The following SPEN variants were observed in gnomAD, a reference collection of about 807,000 sequenced individuals.
SPEN encodes the protein msx2-interacting protein.
SPEN carries 18 observed loss-of-function variants against 269.9 expected under a neutral mutation model. That is an observed-to-expected ratio of 0.07 (90% CI 0.05 to 0.10). The LOEUF (loss-of-function observed/expected upper bound fraction) is 0.10. Among genes scored for constraint, SPEN ranks in the 10% least tolerant of loss-of-function variants. The probability of loss-of-function intolerance (pLI) is 1.00; values close to 1 mark genes in which losing one functional copy is unlikely to be tolerated. For missense variants in SPEN, 3,822 were observed against 4,631.2 expected (o/e 0.83, Z 5.07); for synonymous variants, 1,726 against 1,765.7 (o/e 0.98, Z 0.56).
chr1:15,915,898 T>C (rs1012025823), intron 5 of SPEN, among the ~76,000 whole-genome samples: 2 of 149,678 alleles, frequency 1.3e-5, no homozygotes, highest in Non-Finnish European at 3.0e-5. Flanking sequence ...AGTGTTACTT[T>C]AGCCTTAATT....
intron 10 of SPEN, among the ~76,000 whole-genome samples, chr1:15,924,295 A>T (rs1011892692): frequency 2.0e-5 from 3 of 152,194 alleles, no homozygotes; most frequent in Admixed American, 1.3e-4. Context: ...AGGAATTCTT[A>T]TCTATATGTG....
chr1:15,934,439 T>TGCCACAGCAAGTGCAGTGACC lies in SPEN; in HGVS notation c.8201_8221dup (p.Ala2734_Thr2740dup), dbSNP rs1557761995. ...TCAATGCCGCTGCGAGTGCAGTGAATGCCACAGCAAGTGCAGTGACCGTCA... is the reference window on the plus strand; with the variant it reads ...TCAATGCCGCTGCGAGTGCAGTGAATGCCACAGCAAGTGCAGTGACCGCCACAGCAAGTGCAGTGACCGTCA... On this transcript the variant is annotated inframe_insertion, in exon 11 of 15. Transcript: ENST00000375759. This position sits in a 1 kb window ranked among gnomAD's most constrained non-coding sequence, Gnocchi z 9.2. 6.2e-7 allele frequency: 1 copy of TGCCACAGCAAGTGCAGTGACC among 1,613,954 alleles called. No homozygotes were observed.
Position 15,937,474 on chromosome 1 carries a change from T to C in SPEN, c.10338T>C (p.Ser3446=). ...SVSMKPDLPV[S]LPTQTAPKQP... is the part of the protein sequence containing the mutation. Reference sequence around the variant, plus strand: ...CCATGAAGCCTGACCTTCCAGTCTCTCTTCCCACTCAGACTGCCCCAAAAC... The same window carrying C: ...CCATGAAGCCTGACCTTCCAGTCTCCCTTCCCACTCAGACTGCCCCAAAAC... The change falls in exon 12 of 15, where the codon TCT becomes TCC. Residue 3446 remains serine (S), a synonymous_variant. Transcript: ENST00000375759. This position sits in a 1 kb window ranked among gnomAD's most constrained non-coding sequence, Gnocchi z 5.7. 6.2e-7 allele frequency: 1 copy of C among 1,613,902 alleles called. No individual in the cohort carries two copies. The highest frequency in any genetic ancestry group is 8.5e-7 in the Non-Finnish European group (1 of 1,180,010).
intron 1 of SPEN, among the ~76,000 whole-genome samples, chr1:15,858,934 A>G (rs567303659): frequency 6.6e-6 from 1 of 152,140 alleles, no homozygotes; most frequent in East Asian, 1.9e-4. Flanking sequence ...ATAGAGAAAA[A>G]CCCTGTCTCA....
intron 1 of SPEN, 90 bp from the exon 2 acceptor site, chr1:15,872,726 T>C: frequency 1.9e-6 from 2 of 1,052,262 alleles, no homozygotes; most frequent in Non-Finnish European, 1.3e-6. Context: ...CCCTCCTACA[T>C]ACATAACGCA....
chr1:15,936,359 G>A, intron 11 of SPEN, 93 bp downstream of exon 11: 3 of 1,427,432 alleles, frequency 2.1e-6, no homozygotes, highest in Non-Finnish European at 2.8e-6. Context: ...AGAAATCAGG[G>A]GCCAGGTGTG....
chr1:15,938,565 CTTTTTTTTTTT>C (rs200567875), intron 13 of SPEN, 142 bp from the exon 14 acceptor site: 3 of 239,106 alleles, frequency 1.3e-5, no homozygotes, highest in East Asian at 1.7e-4. Flanking sequence ...TGAAAAAAAG[CTTTTTTTTTTT>C]TTTTTTTTCA....
Position 15,935,246 on chromosome 1 carries a change from C to T in SPEN, c.9006C>T (p.Pro3002=). The T allele has an allele frequency of 6.2e-7, 1 of 1,614,170 alleles. No individual in the cohort carries two copies. Among genetic ancestry groups the T allele is most frequent in the Non-Finnish European group, 8.5e-7 (1 of 1,180,038 alleles). The change falls in exon 11 of 15, where the codon CCC becomes CCT. Residue 3002 remains proline, a synonymous_variant. Transcript: ENST00000375759. This position sits in a 1 kb window ranked among gnomAD's most constrained non-coding sequence, Gnocchi z 7.7. ...SKLPTEVNHV[P]SGPSIPADRT... Reference sequence around the variant, plus strand: ...TGCCTACAGAAGTCAACCATGTCCCCTCGGGGCCCAGCATCCCAGCAGATC... The same window carrying T: ...TGCCTACAGAAGTCAACCATGTCCCTTCGGGGCCCAGCATCCCAGCAGATC...
chr1:15,919,917 A>G (rs1304595604), intron 8 of SPEN, among the ~76,000 whole-genome samples: 1 of 152,176 alleles, frequency 6.6e-6, no homozygotes, highest in Non-Finnish European at 1.5e-5. Flanking sequence ...CATCTAACCA[A>G]TGATTTTTAT....
intron 1 of SPEN, among the ~76,000 whole-genome samples, chr1:15,868,723 C>G (rs554259387): frequency 1.3e-5 from 2 of 152,140 alleles, no homozygotes; most frequent in Non-Finnish European, 2.9e-5. Context: ...CGTGAGCCAC[C>G]GTGCCCAGCC....
At chr1:15,906,453 C>CTTTTTTTTTTT (rs200731520) in intron 3 of SPEN, among the ~76,000 whole-genome samples, 12 of 92,540 alleles carry the variant, frequency 1.3e-4, no homozygotes, top group Non-Finnish European at 2.2e-4. Context: ...TCTTTCTTTC[C>CTTTTTTTTTTT]TTTTTTTTTT....
chr1:15,934,767 A>G lies in SPEN; in HGVS notation c.8527A>G (p.Met2843Val), dbSNP rs1570069634. The stretch of plus-strand genomic sequence containing the variant: ...CAGCCAGATCCCCCCGGCCAGTGCA[A>G]TGGACATTGAATTTCAGCAGTCAGT... ...KISQIPPASA[M>V]DIEFQQSVSK... is the part of the protein sequence containing the mutation. The change falls in exon 11 of 15, where the codon ATG becomes GTG. Residue 2843 changes from methionine (M) to valine (V), a missense_variant. Transcript: ENST00000375759. This position sits in a 1 kb window ranked among gnomAD's most constrained non-coding sequence, Gnocchi z 9.2. 1.3e-5 allele frequency: 21 copies of G among 1,614,024 alleles called. No homozygotes were observed. The highest frequency in any genetic ancestry group is 1.8e-5 in the Non-Finnish European group (21 of 1,180,028).
intron 1 of SPEN, among the ~76,000 whole-genome samples, chr1:15,861,244 G>T (rs1272537468): frequency 6.6e-6 from 1 of 150,528 alleles, no homozygotes; most frequent in East Asian, 2.0e-4. Context: ...CGATTCTCCC[G>T]CCTCAGCCTC....
Position 15,937,313 on chromosome 1 carries a change from A to G in SPEN, c.10177A>G (p.Lys3393Glu), listed in dbSNP as rs1465616759. 4 of 1,613,776 alleles carry G rather than the reference A, an allele frequency of 2.5e-6. No individual in the cohort carries two copies. In the African/African-American group the frequency reaches 4.0e-5, roughly 16 times the overall value. The part of the protein sequence containing the change: ...SKMPQVSQEA[K>E]GTQTGVEQPR... ...GATGCCTCAAGTGTCCCAGGAGGCA[A>G]AGGGGACCCAGACGGGAGTAGAGCA... The change falls in exon 12 of 15, where the codon AAG (lysine) becomes GAG (glutamate). Residue 3393 changes from lysine to glutamate, a missense_variant. Lys to Glu is a moderately conservative substitution (Grantham distance 56). Coordinates refer to ENST00000375759, the MANE Select transcript of SPEN (RefSeq NM_015001.3). The surrounding 1 kb of genome is among the most constrained non-coding windows in gnomAD (Gnocchi z 5.7).
intron 4 of SPEN, among the ~76,000 whole-genome samples, chr1:15,909,952 C>T (rs535587153): frequency 1.3e-5 from 2 of 151,600 alleles, no homozygotes; most frequent in African/African-American, 4.8e-5. Context: ...GGTGAAACCC[C>T]GTCTCTACTA....
chr1:15,859,209 A>G (rs1417690717), intron 1 of SPEN, among the ~76,000 whole-genome samples: 3 of 149,108 alleles, frequency 2.0e-5, no homozygotes, highest in Non-Finnish European at 4.4e-5. Flanking sequence ...CAGTGGCTAT[A>G]CACAGGTGAG....
chr1:15,933,387 G>A lies in SPEN; in HGVS notation c.7147G>A (p.Glu2383Lys), dbSNP rs1239836580. The change falls in exon 11 of 15, where the codon GAA becomes AAA. Residue 2383 changes from glutamate (E) to lysine (K), a missense_variant. Physicochemically the swap from Glu to Lys is moderately conservative, Grantham distance 56 (BLOSUM62 1). Around this residue, in one of 16 missense-constraint regions of SPEN, gnomAD observed 727 missense variants for 737.9 expected, o/e 0.99. Coordinates refer to ENST00000375759, the MANE Select transcript of SPEN (RefSeq NM_015001.3). The surrounding 1 kb of genome is among the most constrained non-coding windows in gnomAD (Gnocchi z 5.7). ...AGTACAGCACCCCGAAGCCCCACAG[G>A]AAGAAAAGCAGAGTGAGAAACCCCA... is the stretch of plus-strand genomic sequence containing the variant. Reference protein sequence around the residue: ...TTVQHPEAPQEEKQSEKPHST... With the variant: ...TTVQHPEAPQKEKQSEKPHST... The A allele has an allele frequency of 1.2e-6, 2 of 1,614,142 alleles. No individual in the cohort carries two copies. The highest frequency in any genetic ancestry group is 1.7e-5 in the Admixed American group (1 of 60,020).
intron 5 of SPEN, among the ~76,000 whole-genome samples, chr1:15,913,740 C>T (rs1000746750): frequency 3.9e-5 from 6 of 151,958 alleles, no homozygotes; most frequent in Non-Finnish European, 5.9e-5. Flanking sequence ...AATAAAAAAT[C>T]AGCCAGGTAG....
chr1:15,897,221 G>A (rs1322860527), intron 3 of SPEN, among the ~76,000 whole-genome samples: 1 of 151,932 alleles, frequency 6.6e-6, no homozygotes. Context: ...ATGGAGTCTC[G>A]CTTTGTCGCC....
Sources: allele counts gnomAD v4.1 joint callset (sites outside exome capture counted in the v4.1 genomes callset), GRCh38; gene constraint gnomAD v4.1.1; regional missense constraint gnomAD v4.1.1; non-coding constraint Gnocchi (gnomAD v3.1); transcripts MANE v1.5; gene names NCBI Gene and HGNC (gene_info 2026-07-23, HGNC 2026-07-21).